Variants in AFAP1L2 observed in about 807,000 individuals in gnomAD.
The protein encoded by AFAP1L2 is actin filament associated protein 1 like 2.
Under a neutral mutation model 99.3 loss-of-function variants are expected in AFAP1L2, and 46 were observed. The observed-to-expected ratio is 0.46, with a 90% CI of 0.37 to 0.59. AFAP1L2 has a LOEUF of 0.59. AFAP1L2 is among the 20% of genes least tolerant of loss of function. AFAP1L2 has a pLI of 0.00. For synonymous variants in AFAP1L2, 397 were observed against 419.1 expected (o/e 0.95, Z 0.64); for missense variants, 959 against 1,034.9 (o/e 0.93, Z 1.01).
chr10:114,365,017 C>T (rs1208623556), intron 1 of AFAP1L2, among the ~76,000 whole-genome samples: 1 of 152,188 alleles, frequency 6.6e-6, no homozygotes, highest in Non-Finnish European at 1.5e-5. Flanking sequence ...AGTCCGGGGG[C>T]ATAAATGTGC....
chr10:114,283,764 G>A, the AFAP1L2 span, among the ~76,000 whole-genome samples: 2 of 152,232 alleles, frequency 1.3e-5, no homozygotes, highest in Non-Finnish European at 2.9e-5. Flanking sequence ...TCAGTTAAAG[G>A]CCACTGTCGT....
intron 4 of AFAP1L2, among the ~76,000 whole-genome samples, chr10:114,327,165 ATATATATATTTT>A (rs1462330706): frequency 1.2e-5 from 1 of 81,594 alleles, no homozygotes; most frequent in Admixed American, 1.4e-4. Flanking sequence ...ATATATATAT[ATATATATATTTT>A]TTTTTTAGGC....
At chr10:114,303,127 C>CTGTT (rs2041518850) in intron 11 of AFAP1L2, among the ~76,000 whole-genome samples, 1 of 152,168 alleles carries the variant, frequency 6.6e-6, no homozygotes, top group Non-Finnish European at 1.5e-5. Context: ...AATGTCCACA[C>CTGTT]TGTTTCTTAC....
intron 1 of AFAP1L2, among the ~76,000 whole-genome samples, chr10:114,359,368 A>C (rs2051878419): frequency 6.6e-6 from 1 of 152,236 alleles, no homozygotes; most frequent in Non-Finnish European, 1.5e-5. Flanking sequence ...CAAATCCACC[A>C]CTCAAATGCA....
At chr10:114,325,529 T>C (rs2046130104) in intron 4 of AFAP1L2, among the ~76,000 whole-genome samples, 1 of 152,326 alleles carries the variant, frequency 6.6e-6, no homozygotes, top group East Asian at 1.9e-4. Flanking sequence ...TCCTCTGGCA[T>C]GTGGCACCCC....
chr10:114,319,641 G>T (rs1280619798), intron 5 of AFAP1L2: 1 of 1,289,710 alleles, frequency 7.8e-7, no homozygotes, highest in South Asian at 1.2e-5. Context: ...ATCCGCCAGA[G>T]TGACCTGCAT....
At chr10:114,348,957 C>T (rs1343345076) in intron 1 of AFAP1L2, among the ~76,000 whole-genome samples, 1 of 152,192 alleles carries the variant, frequency 6.6e-6, no homozygotes, top group Non-Finnish European at 1.5e-5. Flanking sequence ...TTTCAAAGTG[C>T]TCCTATATGA....
the AFAP1L2 span, chr10:114,282,618 C>T: frequency 6.4e-7 from 1 of 1,560,808 alleles, no homozygotes; most frequent in Non-Finnish European, 8.8e-7. Flanking sequence ...GGCCCTGGGC[C>T]CAGGCTGCTT....
chr10:114,367,661 T>C (rs73369114), intron 1 of AFAP1L2, among the ~76,000 whole-genome samples: 110 of 152,238 alleles, frequency 7.2e-4, no homozygotes, highest in African/African-American at 2.5e-3. Context: ...AAGACAGGAA[T>C]GAAGGCTCTG....
At chr10:114,294,385 A>G (rs376305511), downstream of AFAP1L2, among the ~76,000 whole-genome samples, 87 of 152,208 alleles carry the variant, frequency 5.7e-4, no homozygotes, top group Middle Eastern at 3.4e-3. Context: ...TAAGGCCTCC[A>G]TTTCAGTTCT....
intron 1 of AFAP1L2, among the ~76,000 whole-genome samples, chr10:114,390,310 A>G (rs1039163684): frequency 1.3e-5 from 2 of 152,150 alleles, no homozygotes; most frequent in African/African-American, 4.8e-5. Flanking sequence ...ACTGCTTCCC[A>G]TTCTCCACCA....
At chr10:114,362,063 C>G (rs545128532) in intron 1 of AFAP1L2, among the ~76,000 whole-genome samples, 1 of 152,206 alleles carries the variant, frequency 6.6e-6, no homozygotes, top group African/African-American at 2.4e-5. Flanking sequence ...GTTCCACTAA[C>G]AAGTGCTGTG....
chr10:114,282,481 T>G, the AFAP1L2 span: 2 of 1,589,724 alleles, frequency 1.3e-6, no homozygotes, highest in Non-Finnish European at 1.7e-6. Flanking sequence ...CTTACACCTC[T>G]GATCTGTCTA....
At chr10:114,315,807 G>T in intron 5 of AFAP1L2, 42 bp from the exon 6 acceptor site, 1 of 1,569,908 alleles carries the variant, frequency 6.4e-7, no homozygotes, top group Non-Finnish European at 8.7e-7. Context: ...ATGGGGCAGG[G>T]GACAGTCCTG....
chr10:114,285,878 G>A, the AFAP1L2 span: 7 of 1,483,824 alleles, frequency 4.7e-6, no homozygotes, highest in Non-Finnish European at 6.3e-6. Context: ...CATCTCGGGT[G>A]GGACAGCTCG....
chr10:114,316,740 T>C (rs1394282866), intron 5 of AFAP1L2, among the ~76,000 whole-genome samples: 11 of 152,164 alleles, frequency 7.2e-5, no homozygotes, highest in African/African-American at 1.2e-4. Flanking sequence ...TGTCCATCGA[T>C]TGATTGATCT....
At position 114,295,797 on chromosome 10, in the gene AFAP1L2, T is replaced by TACA; in HGVS notation, c.*242_*244dup. 1 of 1,290,916 alleles carries TACA rather than the reference T, an allele frequency of 7.7e-7. No homozygotes were observed. Among genetic ancestry groups the TACA allele is most frequent in the Non-Finnish European group, 9.8e-7 (1 of 1,018,186 alleles). 80.0% of individuals were successfully genotyped at this position (1,290,916 alleles called of 1,614,324 possible). On this transcript the variant is annotated 3_prime_UTR_variant, in exon 19 of 19. Transcript: ENST00000304129. ...GAAAGAAACACAGAACATCCCTAAATACAACGTCTTGTTTACATCCAATAG... is the reference window on the plus strand; with the variant it reads ...GAAAGAAACACAGAACATCCCTAAATACAACAACGTCTTGTTTACATCCAATAG...
intron 1 of AFAP1L2, among the ~76,000 whole-genome samples, chr10:114,403,858 C>T (rs1379004609): frequency 1.3e-5 from 2 of 152,206 alleles, no homozygotes; most frequent in Non-Finnish European, 2.9e-5. Context: ...CGCATCCCTC[C>T]TTTCTTGGTG....
chr10:114,351,586 C>T (rs35680340), intron 1 of AFAP1L2, among the ~76,000 whole-genome samples: 19,994 of 152,180 alleles, frequency 0.13, 1,694 homozygotes, highest in Middle Eastern at 0.23. Flanking sequence ...GGGAGGCACG[C>T]GAGGCTGATT....
Sources: gnomAD v4.1 joint callset for allele counts (sites outside exome capture counted in the v4.1 genomes callset) on GRCh38, gnomAD v4.1.1 for gene constraint, MANE v1.5 for transcripts, NCBI Gene and HGNC (gene_info 2026-07-23, HGNC 2026-07-21) for gene names.